Variants in CADM2 observed in about 807,000 individuals in gnomAD.
CADM2 encodes cell adhesion molecule 2.
A neutral mutation model predicts 49.8 loss-of-function variants in CADM2; 12 were observed. That is an observed-to-expected ratio of 0.24 (90% CI 0.15 to 0.39). The LOEUF (loss-of-function observed/expected upper bound fraction) is 0.39, where lower values mean the gene tolerates loss of function less well. Among genes scored for constraint, CADM2 ranks in the 10% least tolerant of loss-of-function variants. CADM2 has a pLI of 1.00. For missense variants in CADM2, 378 were observed against 492.3 expected (o/e 0.77, Z 2.20); for synonymous variants, 214 against 175.4 (o/e 1.22, Z -1.74).
At chr3:85,016,728 G>A (rs1398017112) in intron 1 of CADM2, among the ~76,000 whole-genome samples, 1 of 151,918 alleles carries the variant, frequency 6.6e-6, no homozygotes, top group Non-Finnish European at 1.5e-5. Flanking sequence ...GGGAGGCAGA[G>A]ATTGTAATGA....
chr3:85,999,588 A>C (rs1330227586), intron 8 of CADM2, among the ~76,000 whole-genome samples: 1 of 138,872 alleles, frequency 7.2e-6, no homozygotes, highest in African/African-American at 2.6e-5. Context: ...GAAGGGAGGG[A>C]GGGAGAGGGA....
At position 85,316,633 on chromosome 3, in the gene CADM2, C is replaced by T. The variant is rs72921367; in HGVS notation, c.61+356965C>T. ...CTTTATTTTTAATAAAGTATATTTCCTTGTAATTTAATTAATTTAATTTTG... is the reference window on the plus strand; with the variant it reads ...CTTTATTTTTAATAAAGTATATTTCTTTGTAATTTAATTAATTTAATTTTG... On this transcript the variant is annotated intron_variant, in intron 1 of 9. Coordinates refer to ENST00000383699, the MANE Select transcript of CADM2 (RefSeq NM_001167675.2). Among the ~76,000 whole-genome samples, 963 of 151,710 alleles carry T rather than the reference C, an allele frequency of 6.3e-3. 14 individuals carry two copies. The highest frequency in any genetic ancestry group is 0.022 in the African/African-American group (899 of 41,326).
intron 3 of CADM2, among the ~76,000 whole-genome samples, chr3:85,878,634 A>T (rs1239496990): frequency 6.6e-6 from 1 of 152,126 alleles, no homozygotes; most frequent in Non-Finnish European, 1.5e-5. Context: ...AATTATTATC[A>T]CCAGAAACTG....
rs1297401433 is a variant in CADM2, at chr3:85,083,902, A to T, written c.61+124234A>T. On this transcript the variant is annotated intron_variant, in intron 1 of 9. Coordinates refer to ENST00000383699, the MANE Select transcript of CADM2 (RefSeq NM_001167675.2). ...AGCATTGAATTTAAGTTCCTATAGA[A>T]AGAAATAGTCCATTAAAAATAAGCC... 3.3e-5 allele frequency among the ~76,000 whole-genome samples: 5 copies of T among 152,272 alleles called. No individual in the cohort carries two copies. In the East Asian group the frequency reaches 9.6e-4, roughly 29 times the overall value.
At chr3:85,267,754 G>A (rs1407397313) in intron 1 of CADM2, among the ~76,000 whole-genome samples, 1 of 151,390 alleles carries the variant, frequency 6.6e-6, no homozygotes, top group Non-Finnish European at 1.5e-5. Flanking sequence ...TGACCCTAGA[G>A]TTTATTAGTG....
intron 8 of CADM2, among the ~76,000 whole-genome samples, chr3:85,982,889 C>G (rs1419463724): frequency 6.6e-6 from 1 of 151,632 alleles, no homozygotes; most frequent in Non-Finnish European, 1.5e-5. Flanking sequence ...TTTTGGTTTA[C>G]TTATTTCATT....
intron 6 of CADM2, among the ~76,000 whole-genome samples, chr3:85,916,267 C>T (rs1023634034): frequency 3.1e-4 from 47 of 151,968 alleles, no homozygotes; most frequent in African/African-American, 1.1e-3. Context: ...GTGTGCTGCA[C>T]CCATTAACTG....
chr3:85,967,855 G>A (rs1347214618), intron 8 of CADM2, among the ~76,000 whole-genome samples: 3 of 151,538 alleles, frequency 2.0e-5, no homozygotes, highest in Non-Finnish European at 3.0e-5. Flanking sequence ...AGGAAAAAAA[G>A]AAGCCTGGAT....
chr3:85,351,134 A>T (rs892500723), intron 1 of CADM2, among the ~76,000 whole-genome samples: 3 of 152,086 alleles, frequency 2.0e-5, no homozygotes, highest in African/African-American at 7.2e-5. Flanking sequence ...AAATCTGTTG[A>T]CTGTTTGATG....
intron 1 of CADM2, among the ~76,000 whole-genome samples, chr3:85,058,411 G>T (rs983723841): frequency 1.1e-4 from 16 of 151,142 alleles, no homozygotes; most frequent in Admixed American, 5.9e-4. Flanking sequence ...GTGAATTTTT[G>T]TTGTTGTTGT....
At chr3:85,598,096 T>A (rs945697374) in intron 1 of CADM2, among the ~76,000 whole-genome samples, 40 of 152,012 alleles carry the variant, frequency 2.6e-4, no homozygotes, top group Non-Finnish European at 4.0e-4. Flanking sequence ...TTCAGGAGAC[T>A]TCAGACCGAC....
chr3:85,301,908 T>C (rs1354449761), intron 1 of CADM2, among the ~76,000 whole-genome samples: 1 of 152,080 alleles, frequency 6.6e-6, no homozygotes, highest in Non-Finnish European at 1.5e-5. Context: ...TTTAAAAGGT[T>C]ATATGTAGTT....
intron 1 of CADM2, among the ~76,000 whole-genome samples, chr3:85,394,566 T>A (rs1043346113): frequency 2.0e-5 from 3 of 152,260 alleles, no homozygotes; most frequent in African/African-American, 4.8e-5. Flanking sequence ...GTGCTTTTTT[T>A]AAAAAAAGCT....
intron 1 of CADM2, among the ~76,000 whole-genome samples, chr3:85,685,625 T>TG: frequency 6.7e-6 from 1 of 148,744 alleles, no homozygotes; most frequent in African/African-American, 2.4e-5. Context: ...CTTTTTTTTT[T>TG]TTTTTTTTTT....
chr3:85,529,063 TGAA>T lies in CADM2; in HGVS notation c.62-197455_62-197453del, dbSNP rs199505826. Among the ~76,000 whole-genome samples the T allele has an allele frequency of 8.7e-3, 1,319 of 152,172 alleles. 24 individuals are homozygous for T. Among genetic ancestry groups the T allele is most frequent in the African/African-American group, 0.031 (1,273 of 41,494 alleles). On this transcript the variant is annotated intron_variant, in intron 1 of 9. Transcript: ENST00000383699. ...AGGAATTATTAGAACATTTTATAAA[TGAA>T]GAAATTAAAGTTCAGAAAAAAAATG...
At chr3:85,573,797 T>A (rs2062551337) in intron 1 of CADM2, among the ~76,000 whole-genome samples, 1 of 152,186 alleles carries the variant, frequency 6.6e-6, no homozygotes, top group African/African-American at 2.4e-5. Flanking sequence ...TTTCAAAATC[T>A]CTGTGACTAC....
intron 1 of CADM2, among the ~76,000 whole-genome samples, chr3:85,467,366 G>A (rs1255403657): frequency 6.6e-6 from 1 of 152,116 alleles, no homozygotes; most frequent in African/African-American, 2.4e-5. Context: ...GATCAAAAAT[G>A]CTTGTTATAT....
At chr3:85,866,943 G>A (rs985471783) in intron 3 of CADM2, among the ~76,000 whole-genome samples, 1 of 152,012 alleles carries the variant, frequency 6.6e-6, no homozygotes. Context: ...TCAAGTGTGT[G>A]CAATTTTTTA....
At chr3:85,235,672 C>T (rs1486090284) in intron 1 of CADM2, among the ~76,000 whole-genome samples, 1 of 151,936 alleles carries the variant, frequency 6.6e-6, no homozygotes, top group Non-Finnish European at 1.5e-5. Context: ...AATTTCATTA[C>T]AAGTATATAG....
Sources: allele counts gnomAD v4.1 joint callset (sites outside exome capture counted in the v4.1 genomes callset), GRCh38; gene constraint gnomAD v4.1.1; transcripts MANE v1.5; gene names NCBI Gene and HGNC (gene_info 2026-07-23, HGNC 2026-07-21).